Variants in VTI1A observed in about 807,000 individuals in gnomAD.
VTI1A encodes the protein vesicle transport through interaction with t-SNAREs 1A, also known as vesicle transport through interaction with t-SNAREs homolog 1A.
In VTI1A, 22 loss-of-function variants were observed where a neutral mutation model predicts 34.9. That is an observed-to-expected ratio of 0.63 (90% CI 0.45 to 0.90). VTI1A has a LOEUF of 0.90. VTI1A is among the 40% of genes least tolerant of loss of function. The pLI is 0.00. For synonymous variants in VTI1A, 87 were observed against 97.3 expected (o/e 0.89, Z 0.62); for missense variants, 268 against 275.6 (o/e 0.97, Z 0.20).
intron 5 of VTI1A, among the ~76,000 whole-genome samples, chr10:112,567,089 G>A (rs1851931028): frequency 6.6e-6 from 1 of 152,068 alleles, no homozygotes; most frequent in Admixed American, 6.6e-5. Context: ...GAATGCAGTG[G>A]TGTAATCACA....
chr10:112,631,175 C>A (rs1355510411), intron 5 of VTI1A, among the ~76,000 whole-genome samples: 2 of 151,964 alleles, frequency 1.3e-5, no homozygotes, highest in Non-Finnish European at 2.9e-5. Context: ...ATGCTACTCT[C>A]AACTACACTG....
intron 7 of VTI1A, among the ~76,000 whole-genome samples, chr10:112,788,825 T>C (rs1852373609): frequency 6.6e-6 from 1 of 152,146 alleles, no homozygotes; most frequent in African/African-American, 2.4e-5. Flanking sequence ...TTTTATTACA[T>C]TTTTAAATGT....
intron 1 of VTI1A, among the ~76,000 whole-genome samples, chr10:112,456,508 G>C (rs1035984878): frequency 6.6e-6 from 1 of 151,666 alleles, no homozygotes; most frequent in Non-Finnish European, 1.5e-5. Flanking sequence ...AGAACTCTAG[G>C]AATTCAAAGG....
rs191723433 is a variant in VTI1A, at chr10:112,718,140, C to T, written c.560+49142C>T. On this transcript the variant is annotated intron_variant, in intron 7 of 7. Coordinates refer to ENST00000393077, the MANE Select transcript of VTI1A (RefSeq NM_145206.4). ...CCCCATCTTCTAGGAATTTGCACTTCCATCCATTGTTAAAGCCAAATATTG... is the reference window on the plus strand; with the variant it reads ...CCCCATCTTCTAGGAATTTGCACTTTCATCCATTGTTAAAGCCAAATATTG... Among the ~76,000 whole-genome samples, 6 of 152,278 alleles carry T rather than the reference C, an allele frequency of 3.9e-5. No homozygotes were observed. The East Asian group carries it at 1.2e-3, about 29-fold the overall frequency.
intron 3 of VTI1A, among the ~76,000 whole-genome samples, chr10:112,524,631 C>G (rs917013696): frequency 6.6e-6 from 1 of 151,878 alleles, no homozygotes; most frequent in African/African-American, 2.4e-5. Context: ...AAACAAGATT[C>G]GATATTTAGG....
chr10:112,734,656 T>C (rs1850389542), intron 7 of VTI1A, among the ~76,000 whole-genome samples: 1 of 70,696 alleles, frequency 1.4e-5, no homozygotes, highest in Admixed American at 1.1e-4. Context: ...ATAAATTTCT[T>C]TTTTTTTTTT....
At chr10:112,842,164 A>G in the VTI1A span, among the ~76,000 whole-genome samples, 455 of 144,748 alleles carry the variant, frequency 3.1e-3, 4 homozygotes, top group African/African-American at 0.011. Flanking sequence ...CCAGGTTCGC[A>G]GAAACAAGGA....
rs150495228 is a variant in VTI1A at position 112,642,483 on chromosome 10, A to G, written c.428-25735A>G. The stretch of plus-strand genomic sequence containing the variant: ...TCAAAATTATAGTAACATTTAATAA[A>G]AATTTAAAAGCAGTTGCTGATTCTT... On this transcript the variant is annotated intron_variant, in intron 5 of 7. Coordinates refer to ENST00000393077, the MANE Select transcript of VTI1A (RefSeq NM_145206.4). 1.7e-4 allele frequency among the ~76,000 whole-genome samples: 26 copies of G among 152,338 alleles called. 1 individual carries two copies. Among genetic ancestry groups the G allele is most frequent in the African/African-American group, 6.0e-4 (25 of 41,568 alleles).
At chr10:112,493,099 A>T (rs1430276850) in intron 3 of VTI1A, among the ~76,000 whole-genome samples, 3 of 152,208 alleles carry the variant, frequency 2.0e-5, no homozygotes, top group Non-Finnish European at 2.9e-5. Flanking sequence ...TCTTAAAAAT[A>T]CTACATCTTC....
At chr10:112,514,151 T>C (rs893437138) in intron 3 of VTI1A, among the ~76,000 whole-genome samples, 8 of 151,972 alleles carry the variant, frequency 5.3e-5, no homozygotes, top group African/African-American at 1.4e-4. Context: ...GAATTTTCTT[T>C]GTTGGGAGAC....
At chr10:112,545,183 G>A (rs981101024) in intron 5 of VTI1A, among the ~76,000 whole-genome samples, 1 of 152,234 alleles carries the variant, frequency 6.6e-6, no homozygotes, top group Non-Finnish European at 1.5e-5. Flanking sequence ...GGAACAAAGA[G>A]CTTGAAATTT....
chr10:112,578,797 G>A (rs1843807958), intron 5 of VTI1A, among the ~76,000 whole-genome samples: 1 of 152,064 alleles, frequency 6.6e-6, no homozygotes, highest in Non-Finnish European at 1.5e-5. Flanking sequence ...TTACCATATT[G>A]CATGATTGTA....
At chr10:112,652,429 A>G (rs768152994) in intron 5 of VTI1A, among the ~76,000 whole-genome samples, 2 of 152,216 alleles carry the variant, frequency 1.3e-5, no homozygotes, top group Non-Finnish European at 2.9e-5. Flanking sequence ...AGGGCAGAAC[A>G]AAGAGTTAGA....
At chr10:112,796,517 T>C (rs1852682750) in intron 7 of VTI1A, among the ~76,000 whole-genome samples, 1 of 151,782 alleles carries the variant, frequency 6.6e-6, no homozygotes, top group African/African-American at 2.4e-5. Flanking sequence ...GATCTCGTGG[T>C]CTAAGAGCAA....
At chr10:112,631,889 A>C (rs1212507209) in intron 5 of VTI1A, among the ~76,000 whole-genome samples, 2 of 152,170 alleles carry the variant, frequency 1.3e-5, no homozygotes, top group African/African-American at 4.8e-5. Flanking sequence ...GGACCAGAGA[A>C]CCCTTTTATT....
At chr10:112,829,211 AAGGC>A in the VTI1A span, among the ~76,000 whole-genome samples, 1 of 152,276 alleles carries the variant, frequency 6.6e-6, no homozygotes, top group Non-Finnish European at 1.5e-5. Flanking sequence ...TTAGGAGGCC[AAGGC>A]AGGCAGACCA....
At chr10:112,618,516 T>TAGAGAGAGAGAGAGAGAGAGAG (rs1295144968) in intron 5 of VTI1A, among the ~76,000 whole-genome samples, 3 of 46,418 alleles carry the variant, frequency 6.5e-5, no homozygotes, top group East Asian at 1.7e-3. Flanking sequence ...TATATATATA[T>TAGAGAGAGAGAGAGAGAGAGAG]ATATATATAG....
At chr10:112,729,157 C>T (rs1040796682) in intron 7 of VTI1A, among the ~76,000 whole-genome samples, 3 of 152,120 alleles carry the variant, frequency 2.0e-5, no homozygotes, top group Admixed American at 1.3e-4. Context: ...TGGAAATTGG[C>T]CACAGCACTG....
At chr10:112,447,050 A>C, upstream of VTI1A, 3 of 309,654 alleles carry the variant, frequency 9.7e-6, no homozygotes, top group South Asian at 5.8e-5. Context: ...CGAAGGGGGG[A>C]AAAAACGCTT....
Sources: gnomAD v4.1 joint callset for allele counts (sites outside exome capture counted in the v4.1 genomes callset) on GRCh38, gnomAD v4.1.1 for gene constraint, MANE v1.5 for transcripts, NCBI Gene and HGNC (gene_info 2026-07-23, HGNC 2026-07-21) for gene names.